SP100: variants seen among roughly 807,000 people sequenced by gnomAD.
The protein encoded by SP100 is nuclear autoantigen Sp-100.
In SP100, 84 loss-of-function variants were observed where a neutral mutation model predicts 130.0. The observed-to-expected ratio is 0.65, with a 90% CI of 0.54 to 0.77. SP100 has a LOEUF of 0.77. SP100 is among the 30% of genes least tolerant of loss of function. SP100 has a pLI of 0.00. For missense variants in SP100, 978 were observed against 1,052.2 expected (o/e 0.93, Z 0.97); for synonymous variants, 331 against 351.7 (o/e 0.94, Z 0.66).
chr2:230,472,444 A>T, intron 15 of SP100, among the ~76,000 whole-genome samples: 1 of 135,744 alleles, frequency 7.4e-6, no homozygotes, highest in Admixed American at 7.3e-5. Context: ...AAAAAAAAAA[A>T]AAAAAAAAGT....
chr2:230,510,800 C>G (rs1391923543), intron 23 of SP100: 1 of 370,518 alleles, frequency 2.7e-6, no homozygotes, highest in African/African-American at 2.1e-5. Flanking sequence ...TGGACACTTC[C>G]AAATTTAGAC....
intron 27 of SP100, 100 bp from the exon 28 acceptor site, chr2:230,541,792 T>C (rs1176809832): frequency 7.6e-7 from 1 of 1,321,604 alleles, no homozygotes; most frequent in Non-Finnish European, 1.0e-6. Context: ...GGTTAGGATT[T>C]TGACCTATGG....
rs535864563 is a variant in SP100 at position 230,508,117 on chromosome 2, C to T, written c.2052+86C>T. 224 of 1,550,928 alleles carry T rather than the reference C, an allele frequency of 1.4e-4. No homozygotes were observed. In the African/African-American group the frequency reaches 2.9e-3, roughly 20 times the overall value. ...TGTGGACTTACAGTCTTTAAATTGA[C>T]CCATCATCATAAAATTTGATTTTAT... On this transcript the variant is annotated intron_variant, in intron 23 of 28. Transcript: ENST00000340126.
chr2:230,466,815 C>T (rs1408167710), intron 12 of SP100, among the ~76,000 whole-genome samples: 3 of 151,994 alleles, frequency 2.0e-5, no homozygotes, highest in Non-Finnish European at 4.4e-5. Flanking sequence ...CATAAAGGGA[C>T]AAGTAAAGAA....
At chr2:230,486,693 A>T (rs1326345483) in intron 17 of SP100, among the ~76,000 whole-genome samples, 2 of 152,278 alleles carry the variant, frequency 1.3e-5, no homozygotes, top group Admixed American at 6.5e-5. Flanking sequence ...GTATATACCC[A>T]GTAATGGGAT....
intron 24 of SP100, among the ~76,000 whole-genome samples, chr2:230,525,408 T>A (rs925751956): frequency 8.5e-5 from 13 of 152,202 alleles, no homozygotes; most frequent in African/African-American, 3.1e-4. Context: ...GGTGAATTAG[T>A]AAACTAAGAA....
At chr2:230,497,940 T>C (rs756116766) in intron 18 of SP100, among the ~76,000 whole-genome samples, 10 of 152,228 alleles carry the variant, frequency 6.6e-5, no homozygotes, top group Non-Finnish European at 1.3e-4. Context: ...GTCACCATCA[T>C]AATGAGCAGG....
At chr2:230,487,146 C>A (rs888688296) in intron 17 of SP100, among the ~76,000 whole-genome samples, 10 of 152,176 alleles carry the variant, frequency 6.6e-5, no homozygotes, top group African/African-American at 2.4e-4. Context: ...ATGATAGTTT[C>A]TTTTGCTGTG....
chr2:230,540,795 G>A, intron 25 of SP100, 81 bp from the exon 26 acceptor site: 1 of 1,526,980 alleles, frequency 6.5e-7, no homozygotes, highest in Admixed American at 1.9e-5. Context: ...AGGCATTCTT[G>A]AGCAGAGGAC....
intron 18 of SP100, among the ~76,000 whole-genome samples, chr2:230,497,813 GGTTA>G (rs2066781184): frequency 6.6e-6 from 1 of 152,050 alleles, no homozygotes; most frequent in Non-Finnish European, 1.5e-5. Context: ...ATAATCTCTT[GGTTA>G]GTTTCTTAGA....
At chr2:230,534,045 AC>A (rs1691820787) in intron 24 of SP100, among the ~76,000 whole-genome samples, 1 of 152,216 alleles carries the variant, frequency 6.6e-6, no homozygotes, top group African/African-American at 2.4e-5. Flanking sequence ...GAGGAAAAAG[AC>A]ATTTAGGTGG....
At chr2:230,510,919 G>A (rs1690542783) in intron 23 of SP100, 2 of 596,368 alleles carry the variant, frequency 3.4e-6, no homozygotes, top group Admixed American at 6.0e-5. Context: ...GCCAGGAAAT[G>A]GCACTTGCAT....
At chr2:230,488,278 A>G (rs1225659569) in intron 17 of SP100, among the ~76,000 whole-genome samples, 1 of 152,188 alleles carries the variant, frequency 6.6e-6, no homozygotes, top group Non-Finnish European at 1.5e-5. Context: ...TTCAAAGGGA[A>G]TGCTTCCAGC....
At chr2:230,492,555 C>T (rs2066443434) in intron 17 of SP100, among the ~76,000 whole-genome samples, 1 of 152,206 alleles carries the variant, frequency 6.6e-6, no homozygotes, top group Admixed American at 6.5e-5. Flanking sequence ...ATCTTTCCAC[C>T]TATGCTTCCC....
At chr2:230,463,994 T>C in intron 10 of SP100, 73 bp from the exon 11 acceptor site, 1 of 1,008,388 alleles carries the variant, frequency 9.9e-7, no homozygotes, top group Non-Finnish European at 1.6e-6. Flanking sequence ...GTTTTCTTAT[T>C]AGGGAATTTC....
At chr2:230,485,453 T>G (rs1233093119) in intron 17 of SP100, among the ~76,000 whole-genome samples, 1 of 152,194 alleles carries the variant, frequency 6.6e-6, no homozygotes, top group African/African-American at 2.4e-5. Context: ...ATCAATCATA[T>G]TGATCCTGTT....
chr2:230,460,837 A>T (rs1275258818), intron 8 of SP100, among the ~76,000 whole-genome samples: 1 of 22,914 alleles, frequency 4.4e-5, no homozygotes, highest in Non-Finnish European at 9.4e-5. Context: ...GTTAGCCAGG[A>T]TGGTCTCGAT....
chr2:230,444,669 T>C (rs1403166607), intron 4 of SP100, among the ~76,000 whole-genome samples: 3 of 152,184 alleles, frequency 2.0e-5, no homozygotes, highest in Non-Finnish European at 4.4e-5. Flanking sequence ...CTTGCAGTGG[T>C]CTACATAGCA....
Position 230,452,166 on chromosome 2 carries a change from A to G in SP100, c.820+1911A>G, listed in dbSNP as rs529604366. On this transcript the variant is annotated intron_variant, in intron 8 of 28. Transcript: ENST00000340126. ...TTTTAAATTGTTTTTCTATTTCTCA[A>G]AAATGCCATTTGAATTTTTTTTTTT... Among the ~76,000 whole-genome samples, 3 of 151,808 alleles carry G rather than the reference A, an allele frequency of 2.0e-5. No individual in the cohort carries two copies. The East Asian group carries it at 5.8e-4, about 29-fold the overall frequency.
Sources: allele counts gnomAD v4.1 joint callset (sites outside exome capture counted in the v4.1 genomes callset), GRCh38; gene constraint gnomAD v4.1.1; transcripts MANE v1.5; gene names NCBI Gene and HGNC (gene_info 2026-07-23, HGNC 2026-07-21).